MID1: variants seen among roughly 807,000 people sequenced by gnomAD.
MID1 encodes midline 1, also known as E3 ubiquitin-protein ligase Midline-1.
In MID1, 7 loss-of-function variants were observed where a neutral mutation model predicts 40.4. The observed-to-expected ratio is 0.17, with a 90% CI of 0.10 to 0.33. MID1 has a LOEUF of 0.33. MID1 is among the 10% of genes least tolerant of loss of function. The pLI is 1.00. For synonymous variants in MID1, 229 were observed against 221.2 expected, an observed-to-expected ratio of 1.04 and a Z score of -0.31; for missense variants, 367 against 558.5, an observed-to-expected ratio of 0.66 and a Z score of 3.46.
chrX:10,713,003 A>C (rs754639158), intron 1 of MID1, among the ~76,000 whole-genome samples: 1 of 109,592 alleles, frequency 9.1e-6, no homozygotes, highest in Admixed American at 9.7e-5. Flanking sequence ...CACCCGGCTA[A>C]TTTTTGTATT....
chrX:10,605,692 A>AT (rs1238027376), intron 1 of MID1, among the ~76,000 whole-genome samples: 3 of 111,699 alleles, frequency 2.7e-5, no homozygotes, highest in Non-Finnish European at 5.6e-5. Context: ...AAACTAATAC[A>AT]TTTTTTAAAA....
intron 1 of MID1, among the ~76,000 whole-genome samples, chrX:10,716,463 A>G (rs1319554211): frequency 8.9e-6 from 1 of 111,979 alleles, no homozygotes; most frequent in Non-Finnish European, 1.9e-5. Flanking sequence ...GATCAAATGA[A>G]TGAAATGAAG....
chrX:10,666,603 C>T (rs2042952912), intron 1 of MID1, among the ~76,000 whole-genome samples: 1 of 111,090 alleles, frequency 9.0e-6, no homozygotes, highest in Admixed American at 9.6e-5. Flanking sequence ...TCTGGCCATT[C>T]AAATGATTTC....
intron 1 of MID1, among the ~76,000 whole-genome samples, chrX:10,755,404 G>GA (rs900086633): frequency 5.4e-5 from 6 of 111,588 alleles, no homozygotes; most frequent in Non-Finnish European, 1.1e-4. Flanking sequence ...AATGAGAATG[G>GA]AAAAATGAAT....
intron 3 of MID1, among the ~76,000 whole-genome samples, chrX:10,516,188 C>CTTTTTTTTTT (rs1191096522): frequency 2.8e-5 from 2 of 71,494 alleles, no homozygotes; most frequent in African/African-American, 6.1e-5. Context: ...TGAAGTTGCT[C>CTTTTTTTTTT]TTTTTTTTTT....
At chrX:10,655,064 A>C (rs758468341) in intron 1 of MID1, among the ~76,000 whole-genome samples, 2 of 112,459 alleles carry the variant, frequency 1.8e-5, no homozygotes, top group Non-Finnish European at 3.8e-5. Context: ...ATGGGGAAAT[A>C]AATCAAATTT....
chrX:10,650,445 C>T (rs1445562319), intron 1 of MID1, among the ~76,000 whole-genome samples: 2 of 110,499 alleles, frequency 1.8e-5, no homozygotes, highest in East Asian at 2.9e-4. Context: ...AAAGTCCGGA[C>T]CTAACAAAGA....
intron 1 of MID1, among the ~76,000 whole-genome samples, chrX:10,776,069 G>A (rs756226108): frequency 1.3e-3 from 142 of 111,691 alleles, no homozygotes; most frequent in African/African-American, 4.3e-3. Flanking sequence ...GTTTCTAAGA[G>A]TCTTAACTCA....
chrX:10,765,999 G>T (rs868029549), intron 1 of MID1, among the ~76,000 whole-genome samples: 2 of 94,824 alleles, frequency 2.1e-5, no homozygotes, highest in African/African-American at 7.4e-5. Flanking sequence ...AAGAAAGAAA[G>T]AAAGAAAGAA....
At chrX:10,718,659 T>G (rs2043323981) in intron 1 of MID1, among the ~76,000 whole-genome samples, 2 of 111,425 alleles carry the variant, frequency 1.8e-5, no homozygotes, top group Admixed American at 9.6e-5. Context: ...ACGATTCCAA[T>G]CAATAGAAAA....
At position 10,716,203 on chromosome X, in the gene MID1, T is replaced by C. The variant is rs2043301964; in HGVS notation, c.-186-95784A>G. On this transcript the variant is annotated intron_variant, in intron 1 of 10. Coordinates refer to the MID1 transcript ENST00000380785. ...AACAAAGCTGCATGGAGAATGATTTTGACGAGTTGAGAGAAGAAGGCTTCA... is the reference window on the plus strand; with the variant it reads ...AACAAAGCTGCATGGAGAATGATTTCGACGAGTTGAGAGAAGAAGGCTTCA... Among the ~76,000 whole-genome samples the C allele has an allele frequency of 2.7e-5, 3 of 112,118 alleles. No homozygotes were observed. In the Admixed American group the frequency reaches 2.8e-4, roughly 11 times the overall value.
At chrX:10,640,177 A>C (rs1031765705) in intron 1 of MID1, among the ~76,000 whole-genome samples, 2 of 112,057 alleles carry the variant, frequency 1.8e-5, no homozygotes, top group Admixed American at 1.9e-4. Flanking sequence ...ATTAACTTTA[A>C]ATGTAAATGA....
intron 2 of MID1, among the ~76,000 whole-genome samples, chrX:10,545,016 G>A (rs749289294): frequency 8.9e-6 from 1 of 111,996 alleles, no homozygotes; most frequent in Admixed American, 9.5e-5. Context: ...AAGTGCAGTG[G>A]TGTGATCTCG....
chrX:10,724,149 A>G (rs2043375259), intron 1 of MID1, among the ~76,000 whole-genome samples: 2 of 111,210 alleles, frequency 1.8e-5, no homozygotes, highest in East Asian at 2.8e-4. Context: ...TGCAGCCTCA[A>G]CCTACCGGGT....
At chrX:10,777,509 T>C (rs781079570) in intron 1 of MID1, among the ~76,000 whole-genome samples, 3 of 110,657 alleles carry the variant, frequency 2.7e-5, no homozygotes, top group Admixed American at 1.9e-4. Context: ...TTTTTCTTTA[T>C]ATTCTTATTA....
chrX:10,718,308 A>T (rs1234415893), intron 1 of MID1, among the ~76,000 whole-genome samples: 3 of 112,005 alleles, frequency 2.7e-5, no homozygotes, highest in African/African-American at 9.7e-5. Context: ...AGCACGACTA[A>T]TAAAGAAGAA....
intron 1 of MID1, among the ~76,000 whole-genome samples, chrX:10,719,772 G>A (rs1298736108): frequency 9.0e-6 from 1 of 111,134 alleles, no homozygotes; most frequent in Non-Finnish European, 1.9e-5. Context: ...AAAGCTGGAG[G>A]CATCATGCTA....
At chrX:10,697,966 A>G (rs2043171594) in intron 1 of MID1, among the ~76,000 whole-genome samples, 1 of 112,799 alleles carries the variant, frequency 8.9e-6, no homozygotes, top group South Asian at 3.7e-4. Context: ...TCTGTTGAGA[A>G]CCACTGATGT....
intron 1 of MID1, among the ~76,000 whole-genome samples, chrX:10,585,117 T>C (rs894380113): frequency 9.0e-6 from 1 of 111,598 alleles, no homozygotes; most frequent in African/African-American, 3.3e-5. Flanking sequence ...GAATTTTAAC[T>C]ACCAGGCTTG....
Sources: allele counts gnomAD v4.1 joint callset (sites outside exome capture counted in the v4.1 genomes callset), GRCh38; gene constraint gnomAD v4.1.1; transcripts MANE v1.5; gene names NCBI Gene and HGNC (gene_info 2026-07-23, HGNC 2026-07-21).